SLC25A13: variants seen among roughly 807,000 people sequenced by gnomAD.
The protein encoded by SLC25A13 is electrogenic aspartate/glutamate antiporter SLC25A13, mitochondrial.
SLC25A13 carries 70 observed loss-of-function variants against 85.5 expected under a neutral mutation model. That is an observed-to-expected ratio of 0.82 (90% CI 0.68 to 1.00). SLC25A13 has a LOEUF of 1.00. Among genes scored for constraint, SLC25A13 ranks in the 50% least tolerant of loss-of-function variants. The pLI is 0.00. For synonymous variants in SLC25A13, 259 were observed against 288.7 expected, an observed-to-expected ratio of 0.90 and a Z score of 1.04; for missense variants, 765 against 819.8, an observed-to-expected ratio of 0.93 and a Z score of 0.82.
chr7:96,234,624 T>C (rs979425085), intron 4 of SLC25A13, among the ~76,000 whole-genome samples, 178 bp downstream of exon 4: 4 of 152,158 alleles, frequency 2.6e-5, no homozygotes, highest in Admixed American at 6.5e-5. Context: ...CTTGTTTTTT[T>C]CGAATAGGAA....
chr7:96,319,127 A>T (rs1000553998), intron 1 of SLC25A13, among the ~76,000 whole-genome samples: 8 of 152,232 alleles, frequency 5.3e-5, no homozygotes, highest in African/African-American at 1.7e-4. Flanking sequence ...GGACCTTTTA[A>T]GGCCACATTT....
intron 4 of SLC25A13, among the ~76,000 whole-genome samples, chr7:96,223,336 C>T (rs1047836900): frequency 1.3e-5 from 2 of 152,096 alleles, no homozygotes; most frequent in Non-Finnish European, 2.9e-5. Flanking sequence ...GTTCAGTGTA[C>T]TGAAAAATAA....
intron 3 of SLC25A13, among the ~76,000 whole-genome samples, chr7:96,249,695 T>C (rs1195705667): frequency 6.6e-6 from 1 of 152,078 alleles, no homozygotes; most frequent in Non-Finnish European, 1.5e-5. Context: ...AGAACAGTAA[T>C]TGTAAAAGAT....
Position 96,296,928 on chromosome 7 carries a change from A to G in SLC25A13, c.39T>C (p.Asp13=). ...AAKVALTKRA[D]PAELRTIFLK... ...AAAATATTGTTCTAAGCTCAGCTGGATCTGCTCTCTTGGTTAAAGCCACCT... is the reference window on the plus strand; with the variant it reads ...AAAATATTGTTCTAAGCTCAGCTGGGTCTGCTCTCTTGGTTAAAGCCACCT... The change falls in exon 2 of 18, where the codon GAT becomes GAC. Residue 13 remains aspartate, a synonymous_variant. Coordinates refer to ENST00000265631, the MANE Select transcript of SLC25A13 (RefSeq NM_014251.3). 1 of 1,613,762 alleles carries G rather than the reference A, an allele frequency of 6.2e-7. No individual in the cohort carries two copies. Among genetic ancestry groups the G allele is most frequent in the Admixed American group, 1.7e-5 (1 of 60,020 alleles).
At chr7:96,259,520 C>G (rs1048253618) in intron 3 of SLC25A13, among the ~76,000 whole-genome samples, 1 of 152,090 alleles carries the variant, frequency 6.6e-6, no homozygotes, top group Non-Finnish European at 1.5e-5. Flanking sequence ...CCATCTCACG[C>G]CAGTTAGAAT....
intron 4 of SLC25A13, among the ~76,000 whole-genome samples, chr7:96,224,002 CT>C (rs1360764031): frequency 6.6e-6 from 1 of 152,090 alleles, no homozygotes; most frequent in Non-Finnish European, 1.5e-5. Context: ...CACAGGTACT[CT>C]TTCTTAAAAC....
intron 14 of SLC25A13, among the ~76,000 whole-genome samples, chr7:96,135,611 A>C (rs1562785546): frequency 6.6e-6 from 1 of 152,214 alleles, no homozygotes; most frequent in Non-Finnish European, 1.5e-5. Flanking sequence ...TACTACAGCA[A>C]AACATAAACC....
At chr7:96,227,569 G>T (rs983726208) in intron 4 of SLC25A13, among the ~76,000 whole-genome samples, 9 of 152,264 alleles carry the variant, frequency 5.9e-5, no homozygotes, top group African/African-American at 2.2e-4. Context: ...AGTATTAGCG[G>T]AGAATATACA....
chr7:96,253,605 G>C (rs920722856), intron 3 of SLC25A13, among the ~76,000 whole-genome samples: 2 of 152,198 alleles, frequency 1.3e-5, no homozygotes, highest in African/African-American at 4.8e-5. Flanking sequence ...CAGGACAGCA[G>C]TTAGCAGGAG....
intron 2 of SLC25A13, among the ~76,000 whole-genome samples, chr7:96,282,650 A>G (rs1010001110): frequency 3.9e-5 from 6 of 152,230 alleles, no homozygotes; most frequent in Non-Finnish European, 1.5e-5. Context: ...TTGAAGCTCT[A>G]TGCTAAATTA....
At chr7:96,172,503 A>G (rs1794043238) in intron 11 of SLC25A13, among the ~76,000 whole-genome samples, 1 of 151,780 alleles carries the variant, frequency 6.6e-6, no homozygotes, top group South Asian at 2.1e-4. Context: ...GGTTGCAGTG[A>G]GCCGAGATTG....
intron 8 of SLC25A13, 90 bp downstream of exon 8, chr7:96,189,491 T>G: frequency 6.6e-7 from 1 of 1,523,054 alleles, no homozygotes. Context: ...TAGCCTTCAG[T>G]TTGGCTTCTT....
At position 96,120,458 on chromosome 7, in the gene SLC25A13, TG is replaced by T. The variant is rs1791452817; in HGVS notation, c.*732del. The T allele has an allele frequency of 2.2e-6, 1 of 454,348 alleles. No homozygotes were observed. The highest frequency in any genetic ancestry group is 2.0e-5 in the African/African-American group (1 of 50,002). The allele number at this position is 454,348 out of a possible 1,614,324, so 28.1% of individuals were successfully genotyped here. A position where few individuals can be genotyped will look rare whatever the true frequency, so the allele number is the denominator to read the frequency against. On this transcript the variant is annotated 3_prime_UTR_variant, in exon 18 of 18. Transcript: ENST00000265631. ...ATTAAAATAGGCAGTAATCAGTACA[TG>T]TACATCATATGAGCAGTTTTTCAAA... is the stretch of plus-strand genomic sequence containing the variant.
At chr7:96,128,379 T>C (rs1052946649) in intron 15 of SLC25A13, among the ~76,000 whole-genome samples, 3 of 152,160 alleles carry the variant, frequency 2.0e-5, no homozygotes, top group Admixed American at 6.5e-5. Context: ...CTAACTTTAA[T>C]TGGAATGGTA....
intron 2 of SLC25A13, among the ~76,000 whole-genome samples, chr7:96,278,165 A>C (rs1250336841): frequency 6.6e-6 from 1 of 152,212 alleles, no homozygotes; most frequent in Non-Finnish European, 1.5e-5. Flanking sequence ...AGAAATGCTG[A>C]GAAACGACAT....
At chr7:96,255,179 T>C (rs1462113703) in intron 3 of SLC25A13, among the ~76,000 whole-genome samples, 3 of 152,224 alleles carry the variant, frequency 2.0e-5, no homozygotes, top group African/African-American at 7.2e-5. Flanking sequence ...ATTCAGTATC[T>C]AATTGTTGGC....
chr7:96,213,099 T>C (rs867461437), intron 4 of SLC25A13, among the ~76,000 whole-genome samples: 1 of 152,248 alleles, frequency 6.6e-6, no homozygotes. Context: ...AAATATTTTA[T>C]AGACTCATAA....
chr7:96,273,706 ATTC>A (rs1445933135), intron 3 of SLC25A13, among the ~76,000 whole-genome samples: 3 of 152,196 alleles, frequency 2.0e-5, no homozygotes, highest in East Asian at 3.8e-4. Flanking sequence ...TGCTCACCAT[ATTC>A]TTCTCTCAAC....
At chr7:96,140,042 T>C (rs1792461369) in intron 14 of SLC25A13, among the ~76,000 whole-genome samples, 1 of 135,876 alleles carries the variant, frequency 7.4e-6, no homozygotes. Flanking sequence ...CACTGCAAGC[T>C]CCGCCTCCCG....
Sources: gnomAD v4.1 joint callset for allele counts (sites outside exome capture counted in the v4.1 genomes callset) on GRCh38, gnomAD v4.1.1 for gene constraint, MANE v1.5 for transcripts, NCBI Gene and HGNC (gene_info 2026-07-23, HGNC 2026-07-21) for gene names.